Variants in IGF1R observed in about 807,000 individuals in gnomAD.
The protein encoded by IGF1R is insulin-like growth factor 1 receptor.
Under a neutral mutation model 144.6 loss-of-function variants are expected in IGF1R, and 44 were observed. The ratio of observed to expected loss-of-function variants is 0.30; its 90% CI spans 0.24 to 0.39. The LOEUF (loss-of-function observed/expected upper bound fraction) is 0.39, where lower values mean the gene tolerates loss of function less well. Ranked by LOEUF, IGF1R falls within the 10% of genes least tolerant of loss-of-function variation. The probability of loss-of-function intolerance (pLI) is 1.00; values close to 1 mark genes in which losing one functional copy is unlikely to be tolerated. For synonymous variants in IGF1R, 795 were observed against 722.8 expected (o/e 1.10, Z -1.60); for missense variants, 1,355 against 1,833.7 (o/e 0.74, Z 4.77).
rs771735132 is a variant in IGF1R at position 98,708,129 on chromosome 15, G to A, written c.640+22G>A. 13 of 1,595,320 alleles carry A rather than the reference G, an allele frequency of 8.1e-6. No individual in the cohort carries two copies. The South Asian group carries it at 1.1e-4, about 14-fold the overall frequency. The stretch of plus-strand genomic sequence containing the variant: ...AAAAGTAAGAATGATGCTGACTGCT[G>A]CTTTCTCTCTGCCTCTCTCTCTCCT... On this transcript the variant is annotated intron_variant, in intron 2 of 20. Transcript: ENST00000650285.
intron 2 of IGF1R, among the ~76,000 whole-genome samples, chr15:98,811,478 C>T (rs1160828363): frequency 6.3e-5 from 9 of 141,766 alleles, no homozygotes; most frequent in Admixed American, 1.4e-4. Flanking sequence ...TGCAGTGAGC[C>T]GAGATCACGC....
At position 98,742,175 on chromosome 15, in the gene IGF1R, A is replaced by C. The variant is rs2054760766; in HGVS notation, c.640+34068A>C. Among the ~76,000 whole-genome samples the C allele has an allele frequency of 2.6e-5, 4 of 152,256 alleles. No homozygotes were observed. In the South Asian group the frequency reaches 8.3e-4, roughly 32 times the overall value. On this transcript the variant is annotated intron_variant, in intron 2 of 20. Transcript: ENST00000650285. ...GGGGGAGAACCTCTTTAAACATCAG[A>C]TCTTATTCCGGAGGAGTGTATCCAG...
At chr15:98,916,265 T>A (rs1437174708) in intron 9 of IGF1R, 134 bp downstream of exon 9, 8 of 835,520 alleles carry the variant, frequency 9.6e-6, no homozygotes, top group Non-Finnish European at 1.5e-5. Flanking sequence ...CTTCTGGTTT[T>A]TTTTTTTTTT....
At chr15:98,661,265 C>T (rs140796717) in intron 1 of IGF1R, among the ~76,000 whole-genome samples, 29 of 152,234 alleles carry the variant, frequency 1.9e-4, no homozygotes, top group Non-Finnish European at 3.2e-4. Context: ...CCAACCCTGC[C>T]GGTTTTGGTT....
At chr15:98,832,921 CTA>C (rs1407305386) in intron 2 of IGF1R, among the ~76,000 whole-genome samples, 1 of 152,186 alleles carries the variant, frequency 6.6e-6, no homozygotes, top group Non-Finnish European at 1.5e-5. Flanking sequence ...CCTAGACAGT[CTA>C]TGTCTGTGAT....
intron 2 of IGF1R, among the ~76,000 whole-genome samples, chr15:98,730,543 G>A (rs568192787): frequency 6.6e-6 from 1 of 152,296 alleles, no homozygotes; most frequent in East Asian, 1.9e-4. Flanking sequence ...AGTGCACATA[G>A]AGTTGGCCTC....
chr15:98,911,215 A>G, intron 6 of IGF1R, 100 bp from the exon 7 acceptor site: 1 of 1,398,726 alleles, frequency 7.1e-7, no homozygotes, highest in Non-Finnish European at 1.0e-6. Flanking sequence ...CTTAGCATAT[A>G]CAGCCAGCTT....
At position 98,891,895 on chromosome 15, in the gene IGF1R, G is replaced by C. The variant is rs45579942; in HGVS notation, c.953+258G>C. 0.044 allele frequency among the ~76,000 whole-genome samples: 6,770 copies of C among 152,256 alleles called. 483 individuals are homozygous for C. The highest frequency in any genetic ancestry group is 0.15 in the African/African-American group (6,386 of 41,520). ...CCTGGCCATTTGAAATTAAGTACTT[G>C]CTTGCTGGTTTCGATACCCAGAGTT... is the stretch of plus-strand genomic sequence containing the variant. On this transcript the variant is annotated intron_variant, in intron 3 of 20. Coordinates refer to ENST00000650285, the MANE Select transcript of IGF1R (RefSeq NM_000875.5). The surrounding 1 kb of genome is among the most constrained non-coding windows in gnomAD (Gnocchi z 4.7).
At chr15:98,829,993 T>C (rs1256996357) in intron 2 of IGF1R, among the ~76,000 whole-genome samples, 2 of 152,218 alleles carry the variant, frequency 1.3e-5, no homozygotes, top group African/African-American at 4.8e-5. Context: ...ATGTCCACCA[T>C]TAGTATGTTA....
chr15:98,957,673 A>T lies in IGF1R; in HGVS notation c.*231A>T, dbSNP rs914688216. ...TTCCCTGCCCAAACCCTTAACTGAC[A>T]TGGGCCTTTAAGAACCTTAATGACA... On this transcript the variant is annotated 3_prime_UTR_variant, in exon 21 of 21. Transcript: ENST00000650285. 392 of 595,804 alleles carry T rather than the reference A, an allele frequency of 6.6e-4. 3 individuals carry two copies. The highest frequency in any genetic ancestry group is 1.1e-4 in the Non-Finnish European group (37 of 335,704). The allele number at this position is 595,804 out of a possible 1,614,324, so 36.9% of individuals were successfully genotyped here.
intron 2 of IGF1R, among the ~76,000 whole-genome samples, chr15:98,863,626 A>C (rs947494784): frequency 6.6e-6 from 1 of 152,222 alleles, no homozygotes; most frequent in Non-Finnish European, 1.5e-5. Flanking sequence ...TACTAGTCAC[A>C]TGAAGAAGAA....
Position 98,899,626 on chromosome 15 carries a change from G to C in IGF1R, c.1247+5G>C. ...AGGAGAGGAGCAGCTAGAAGGGTAAGTGCCCCAAATTTCATGAGCTGACGT... is the reference window on the plus strand; with the variant it reads ...AGGAGAGGAGCAGCTAGAAGGGTAACTGCCCCAAATTTCATGAGCTGACGT... On this transcript the variant is annotated splice_donor_5th_base_variant and intron_variant, in intron 5 of 20. Coordinates refer to ENST00000650285, the MANE Select transcript of IGF1R (RefSeq NM_000875.5). 1 of 1,613,974 alleles carries C rather than the reference G, an allele frequency of 6.2e-7. No homozygotes were observed. The highest frequency in any genetic ancestry group is 8.5e-7 in the Non-Finnish European group (1 of 1,179,906).
At chr15:98,884,801 G>A (rs1050285743) in intron 2 of IGF1R, among the ~76,000 whole-genome samples, 7 of 151,996 alleles carry the variant, frequency 4.6e-5, no homozygotes, top group Non-Finnish European at 8.8e-5. Context: ...GGCTACTGAG[G>A]CTAGAATGCA....
intron 1 of IGF1R, among the ~76,000 whole-genome samples, chr15:98,652,295 A>C (rs147739188): frequency 5.1e-4 from 77 of 152,296 alleles, no homozygotes; most frequent in African/African-American, 1.8e-3. Context: ...CTTTAAATTT[A>C]TTGTACCCAT....
intron 2 of IGF1R, among the ~76,000 whole-genome samples, chr15:98,852,418 G>A (rs1037370679): frequency 4.6e-5 from 7 of 152,192 alleles, no homozygotes; most frequent in Admixed American, 4.6e-4. Context: ...AATCACCAGG[G>A]CCCACCCTCC....
At chr15:98,893,677 C>T (rs1187001854) in intron 3 of IGF1R, 1 of 152,122 alleles carries the variant, frequency 6.6e-6, no homozygotes, top group South Asian at 2.1e-4. Flanking sequence ...CATTTGGAGG[C>T]CTTCAGTCGT....
Position 98,896,614 on chromosome 15 carries a change from G to A in IGF1R, c.954-143G>A, listed in dbSNP as rs1596409575. 2.9e-5 allele frequency: 24 copies of A among 823,850 alleles called. No individual in the cohort carries two copies. In the East Asian group the frequency reaches 6.4e-4, roughly 22 times the overall value. The allele number at this position is 823,850 out of a possible 1,614,324, so 51.0% of individuals were successfully genotyped here. ...GGTGGGCTTGGGGGTGAGATACCAT[G>A]TGACCACATGAACACTTCAAAACAG... On this transcript the variant is annotated intron_variant, in intron 3 of 20. Coordinates refer to ENST00000650285, the MANE Select transcript of IGF1R (RefSeq NM_000875.5).
intron 1 of IGF1R, among the ~76,000 whole-genome samples, chr15:98,689,325 G>C (rs1211656300): frequency 7.0e-6 from 1 of 143,724 alleles, no homozygotes; most frequent in Non-Finnish European, 1.5e-5. Context: ...TGCAACCTCT[G>C]CCTCCCAGGT....
chr15:98,877,661 A>G (rs1264900743), intron 2 of IGF1R, among the ~76,000 whole-genome samples: 1 of 152,080 alleles, frequency 6.6e-6, no homozygotes, highest in East Asian at 1.9e-4. Flanking sequence ...GTAGCGTTGG[A>G]GGAGCTGTTC....
Sources: gnomAD v4.1 joint callset for allele counts (sites outside exome capture counted in the v4.1 genomes callset) on GRCh38, gnomAD v4.1.1 for gene constraint, Gnocchi (gnomAD v3.1) non-coding constraint, MANE v1.5 for transcripts, NCBI Gene and HGNC (gene_info 2026-07-23, HGNC 2026-07-21) for gene names.